Variants in MCF2 observed in about 807,000 individuals in gnomAD.
MCF2 encodes proto-oncogene DBL.
In MCF2, 44 loss-of-function variants were observed where a neutral mutation model predicts 82.5. The ratio of observed to expected loss-of-function variants is 0.53; its 90% CI spans 0.42 to 0.69. MCF2 has a LOEUF of 0.69. Ranked by LOEUF, MCF2 falls within the 30% of genes least tolerant of loss-of-function variation. The pLI, the probability that MCF2 is intolerant of heterozygous loss-of-function variation, is 0.00. For missense variants in MCF2, 623 were observed against 663.1 expected (o/e 0.94, Z 0.66); for synonymous variants, 217 against 224.9 (o/e 0.96, Z 0.32).
At chrX:139,683,724 G>A (rs185097919) in intron 1 of MCF2, among the ~76,000 whole-genome samples, 122 of 111,678 alleles carry the variant, frequency 1.1e-3, no homozygotes, top group African/African-American at 3.3e-3. Flanking sequence ...ACATTTCAAC[G>A]GGGAAAGGAT....
chrX:139,664,495 C>G (rs1283161777), intron 1 of MCF2, among the ~76,000 whole-genome samples: 1 of 111,446 alleles, frequency 9.0e-6, no homozygotes, highest in African/African-American at 3.3e-5. Flanking sequence ...TCCTTCCATT[C>G]ACTTAAGGCC....
At chrX:139,644,748 A>C (rs993883549), upstream of MCF2, among the ~76,000 whole-genome samples, 1 of 112,150 alleles carries the variant, frequency 8.9e-6, no homozygotes, top group Non-Finnish European at 1.9e-5. Context: ...ACAAAGTAAG[A>C]ATTTCAGATG....
intron 23 of MCF2, 151 bp downstream of exon 27, chrX:139,586,227 C>T: frequency 6.7e-6 from 3 of 446,671 alleles, no homozygotes; most frequent in Non-Finnish European, 1.2e-5. Flanking sequence ...TCAGAGTGTC[C>T]TGCATATGCA....
intron 1 of MCF2, among the ~76,000 whole-genome samples, chrX:139,692,785 A>G (rs1445832620): frequency 8.9e-6 from 1 of 112,376 alleles, no homozygotes; most frequent in African/African-American, 3.2e-5. Flanking sequence ...CGAAGAGAAT[A>G]CTAGCCCTGA....
At chrX:139,596,811 T>C in intron 18 of MCF2, 41 bp from the exon 23 acceptor site, 2 of 918,742 alleles carry the variant, frequency 2.2e-6, no homozygotes, top group Non-Finnish European at 3.2e-6. Context: ...AAAGCAAAGC[T>C]ACATTCAGCT....
At chrX:139,661,416 T>C (rs1054983359) in intron 1 of MCF2, among the ~76,000 whole-genome samples, 5 of 111,855 alleles carry the variant, frequency 4.5e-5, no homozygotes, top group African/African-American at 1.6e-4. Flanking sequence ...ATGGCAGGGA[T>C]ATAAGAACTG....
At chrX:139,600,540 C>G (rs1930462485) in intron 16 of MCF2, among the ~76,000 whole-genome samples, 1 of 111,373 alleles carries the variant, frequency 9.0e-6, no homozygotes, top group African/African-American at 3.3e-5. Flanking sequence ...TGTTATATCT[C>G]AAACAAGTGA....
intron 1 of MCF2, among the ~76,000 whole-genome samples, chrX:139,674,646 T>C (rs1033531748): frequency 8.9e-6 from 1 of 112,209 alleles, no homozygotes; most frequent in Non-Finnish European, 1.9e-5. Context: ...TGTTGAATAT[T>C]GGCCCCCAGT....
At chrX:139,617,367 C>A in intron 8 of MCF2, 146 bp downstream of exon 11, 1 of 349,661 alleles carries the variant, frequency 2.9e-6, no homozygotes, top group Admixed American at 5.7e-5. Flanking sequence ...AATTTAATTC[C>A]AAAGCTATAC....
chrX:139,664,293 C>T (rs1440400744), intron 1 of MCF2, among the ~76,000 whole-genome samples: 2 of 108,258 alleles, frequency 1.8e-5, no homozygotes, highest in Non-Finnish European at 3.8e-5. Context: ...ATTGAGCCAC[C>T]GCGCCCAGCC....
At chrX:139,587,039 A>G (rs1929031003) in intron 22 of MCF2, among the ~76,000 whole-genome samples, 1 of 112,019 alleles carries the variant, frequency 8.9e-6, no homozygotes, top group African/African-American at 3.2e-5. Context: ...CAGAAAGATG[A>G]CATGCAGCGA....
intron 1 of MCF2, among the ~76,000 whole-genome samples, chrX:139,638,182 G>A (rs945547854): frequency 6.3e-5 from 7 of 111,474 alleles, no homozygotes; most frequent in Admixed American, 3.8e-4. Flanking sequence ...GTGAGGTCAG[G>A]CAATTTTTCA....
At chrX:139,636,461 C>G (rs1218383190) in intron 1 of MCF2, among the ~76,000 whole-genome samples, 1 of 111,885 alleles carries the variant, frequency 8.9e-6, no homozygotes, top group Non-Finnish European at 1.9e-5. Flanking sequence ...CCCTTAATCT[C>G]ATATTCTCTT....
intron 12 of MCF2, chrX:139,607,397 G>T (rs1931125973): frequency 6.8e-6 from 1 of 147,667 alleles, no homozygotes; most frequent in Admixed American, 8.4e-5. Context: ...CAATGATTAT[G>T]TGTCAATGAA....
chrX:139,613,978 T>G (rs1391822338), intron 10 of MCF2, among the ~76,000 whole-genome samples: 3 of 111,146 alleles, frequency 2.7e-5, no homozygotes, highest in Non-Finnish European at 5.7e-5. Context: ...ATGCTCATTA[T>G]CCTTGGCTCA....
At chrX:139,596,009 G>A (rs113985943) in intron 19 of MCF2, among the ~76,000 whole-genome samples, 1 of 111,520 alleles carries the variant, frequency 9.0e-6, no homozygotes, top group East Asian at 2.8e-4. Context: ...GGACAGATAA[G>A]GAAAGGATTC....
chrX:139,589,979 T>C, intron 19 of MCF2, 52 bp from the exon 24 acceptor site: 1 of 751,279 alleles, frequency 1.3e-6, no homozygotes. Flanking sequence ...GAATATGAAA[T>C]TACATTAAAT....
At chrX:139,621,750 A>T (rs1225923449) in intron 6 of MCF2, among the ~76,000 whole-genome samples, 1 of 111,851 alleles carries the variant, frequency 8.9e-6, no homozygotes, top group Non-Finnish European at 1.9e-5. Flanking sequence ...AAAGACTTAC[A>T]TGTTAGACCT....
chrX:139,611,404 T>C (rs965403393), intron 10 of MCF2, among the ~76,000 whole-genome samples: 5 of 112,330 alleles, frequency 4.5e-5, no homozygotes, highest in Non-Finnish European at 9.4e-5. Flanking sequence ...TGAATACTAA[T>C]ATGCTCCACT....
Sources: gnomAD v4.1 joint callset for allele counts (sites outside exome capture counted in the v4.1 genomes callset) on GRCh38, gnomAD v4.1.1 for gene constraint, MANE v1.5 for transcripts, NCBI Gene and HGNC (gene_info 2026-07-23, HGNC 2026-07-21) for gene names.